The following CYP2C19 variants were observed in gnomAD, a reference collection of about 807,000 sequenced individuals.
CYP2C19 encodes cytochrome P450 2C19.
A neutral mutation model predicts 40.9 loss-of-function variants in CYP2C19; 59 were observed. The ratio of observed to expected loss-of-function variants is 1.44; its 90% CI spans 1.17 to 1.79. The LOEUF (loss-of-function observed/expected upper bound fraction) is 1.79, where lower values mean the gene tolerates loss of function less well. Ranked by LOEUF, CYP2C19 falls within the 40% of genes most tolerant of loss-of-function variation. The pLI is 0.00. For missense variants in CYP2C19, 754 were observed against 596.9 expected, an observed-to-expected ratio of 1.26 and a Z score of -2.74; for synonymous variants, 253 against 208.7, an observed-to-expected ratio of 1.21 and a Z score of -1.83.
intron 5 of CYP2C19, among the ~76,000 whole-genome samples, chr10:94,815,242 C>A (rs183356559): frequency 1.3e-5 from 2 of 151,874 alleles, no homozygotes; most frequent in East Asian, 3.9e-4. Flanking sequence ...GCTGATGTTA[C>A]CAAGGGAGAG....
chr10:94,827,045 G>A (rs1050456695), intron 6 of CYP2C19, among the ~76,000 whole-genome samples: 1 of 152,046 alleles, frequency 6.6e-6, no homozygotes, highest in African/African-American at 2.4e-5. Flanking sequence ...TTTTTGATGT[G>A]CTGCTGGATT....
chr10:94,790,439 T>C lies in CYP2C19; in HGVS notation c.819+8442T>C, dbSNP rs780107404. Among the ~76,000 whole-genome samples, 14 of 152,198 alleles carry C rather than the reference T, an allele frequency of 9.2e-5. 1 individual carries two copies. Among genetic ancestry groups the C allele is most frequent in the Non-Finnish European group, 1.9e-4 (13 of 68,042 alleles). ...GTCTTGTGCCAGTTTCCAAAGGAAT[T>C]TCTTCCAGTTTTTGCCCATTCAGTA... On this transcript the variant is annotated intron_variant, in intron 5 of 8. Transcript: ENST00000371321.
intron 6 of CYP2C19, among the ~76,000 whole-genome samples, chr10:94,839,599 T>A (rs979480550): frequency 6.6e-6 from 1 of 152,242 alleles, no homozygotes; most frequent in Non-Finnish European, 1.5e-5. Flanking sequence ...GAGGGTGTAT[T>A]GAATCTTTTG....
intron 6 of CYP2C19, among the ~76,000 whole-genome samples, chr10:94,832,073 T>C (rs975621726): frequency 4.6e-5 from 7 of 152,178 alleles, no homozygotes; most frequent in African/African-American, 1.4e-4. Flanking sequence ...TTTGAGTTGA[T>C]TTTTGTATGT....
At chr10:94,849,263 G>A (rs1849616232) in intron 7 of CYP2C19, among the ~76,000 whole-genome samples, 1 of 152,164 alleles carries the variant, frequency 6.6e-6, no homozygotes, top group South Asian at 2.1e-4. Flanking sequence ...GACAGATTCA[G>A]AAGGTTGCAC....
intron 6 of CYP2C19, among the ~76,000 whole-genome samples, chr10:94,830,343 G>C (rs1047304759): frequency 3.5e-4 from 53 of 152,360 alleles, no homozygotes; most frequent in Non-Finnish European, 7.3e-4. Flanking sequence ...CCAGGTGCGG[G>C]ATATAATCTC....
intron 6 of CYP2C19, among the ~76,000 whole-genome samples, chr10:94,825,244 A>G (rs1849197334): frequency 7.2e-6 from 1 of 139,642 alleles, no homozygotes; most frequent in Admixed American, 7.2e-5. Flanking sequence ...TGACTTCCAC[A>G]ATGGTTGAAC....
rs180786588 is a variant in CYP2C19, at chr10:94,836,804, G to T, written c.962-6033G>T. On this transcript the variant is annotated intron_variant, in intron 6 of 8. Transcript: ENST00000371321. ...ACAGGTAGTGAGGAAATTTAAGAGC[G>T]CTTGGGTGGCTTGATGGCACAAGGT... Among the ~76,000 whole-genome samples, 5 of 152,308 alleles carry T rather than the reference G, an allele frequency of 3.3e-5. No homozygotes were observed. The South Asian group carries it at 8.3e-4, about 25-fold the overall frequency.
chr10:94,786,922 G>A (rs924405966), intron 5 of CYP2C19, among the ~76,000 whole-genome samples: 1 of 152,036 alleles, frequency 6.6e-6, no homozygotes, highest in Non-Finnish European at 1.5e-5. Context: ...GGTTGCTTCT[G>A]TGTCTTTGCT....
At chr10:94,813,246 G>C (rs2793284) in intron 5 of CYP2C19, among the ~76,000 whole-genome samples, 3 of 151,958 alleles carry the variant, frequency 2.0e-5, no homozygotes, top group Non-Finnish European at 4.4e-5. Flanking sequence ...TGGAAGCTTC[G>C]TCCTAGAGGG....
chr10:94,766,991 A>T (rs534484051), intron 1 of CYP2C19, among the ~76,000 whole-genome samples: 1 of 152,210 alleles, frequency 6.6e-6, no homozygotes, highest in East Asian at 1.9e-4. Flanking sequence ...GATATCCTTC[A>T]GGTAGGTTTT....
intron 5 of CYP2C19, among the ~76,000 whole-genome samples, chr10:94,813,386 C>A (rs1213982892): frequency 1.3e-5 from 2 of 151,836 alleles, no homozygotes; most frequent in East Asian, 3.9e-4. Flanking sequence ...CCCACTGCCA[C>A]CCCTTCTTCC....
At chr10:94,801,068 G>T (rs1257348576) in intron 5 of CYP2C19, among the ~76,000 whole-genome samples, 1 of 152,194 alleles carries the variant, frequency 6.6e-6, no homozygotes, top group Non-Finnish European at 1.5e-5. Flanking sequence ...AGGTACCGCA[G>T]TTGGAAGTGC....
chr10:94,845,760 TTATTTA>T (rs1849564502), intron 7 of CYP2C19, among the ~76,000 whole-genome samples: 1 of 152,144 alleles, frequency 6.6e-6, no homozygotes, highest in South Asian at 2.1e-4. Context: ...AATATAGTAC[TTATTTA>T]TAAATATTCA....
intron 3 of CYP2C19, among the ~76,000 whole-genome samples, chr10:94,777,133 T>A (rs569101173): frequency 2.2e-4 from 34 of 152,264 alleles, no homozygotes; most frequent in Non-Finnish European, 4.0e-4. Context: ...TACAAACCAC[T>A]GCTCAGGGAA....
At chr10:94,850,906 G>C (rs1380059151) in intron 8 of CYP2C19, among the ~76,000 whole-genome samples, 1 of 152,180 alleles carries the variant, frequency 6.6e-6, no homozygotes, top group Non-Finnish European at 1.5e-5. Context: ...TTGGATGTTT[G>C]ATCTCCACAC....
rs1849698149 is a variant in CYP2C19, at chr10:94,854,141, C to A, written c.*1227C>A. ...TCAAGTGGTTCTCCTGCCTCAGCCC[C>A]CCAAGTAGCTGGGATTACAGGTGCC... On this transcript the variant is annotated 3_prime_UTR_variant, in exon 9 of 9. Transcript: ENST00000371321. Among the ~76,000 whole-genome samples the A allele has an allele frequency of 6.6e-6, 1 of 151,944 alleles. No individual in the cohort carries two copies. The highest frequency in any genetic ancestry group is 2.4e-5 in the African/African-American group (1 of 41,352).
intron 1 of CYP2C19, among the ~76,000 whole-genome samples, chr10:94,768,514 C>T (rs1012007744): frequency 6.6e-6 from 1 of 152,150 alleles, no homozygotes; most frequent in Non-Finnish European, 1.5e-5. Flanking sequence ...ATTTGAAGCA[C>T]CAGTCCCTCA....
chr10:94,830,498 C>T (rs1175491728), intron 6 of CYP2C19, among the ~76,000 whole-genome samples: 3 of 152,208 alleles, frequency 2.0e-5, no homozygotes, highest in Admixed American at 6.5e-5. Flanking sequence ...GAGGCAATGC[C>T]TCGCCCTGCT....
Sources: gnomAD v4.1 joint callset for allele counts (sites outside exome capture counted in the v4.1 genomes callset) on GRCh38, gnomAD v4.1.1 for gene constraint, MANE v1.5 for transcripts, NCBI Gene and HGNC (gene_info 2026-07-23, HGNC 2026-07-21) for gene names.